The following EDC3 variants were observed in gnomAD, a reference collection of about 807,000 sequenced individuals.
EDC3 encodes enhancer of mRNA decapping 3.
Under a neutral mutation model 41.8 loss-of-function variants are expected in EDC3, and 20 were observed. The observed-to-expected ratio is 0.48, with a 90% CI of 0.34 to 0.70. The LOEUF is 0.70. Among genes scored for constraint, EDC3 ranks in the 30% least tolerant of loss-of-function variants. The pLI, the probability that EDC3 is intolerant of heterozygous loss-of-function variation, is 0.01. For missense variants in EDC3, 444 were observed against 636.8 expected (o/e 0.70, Z 3.26); for synonymous variants, 206 against 243.2 (o/e 0.85, Z 1.42).
chr15:74,675,514 C>T (rs1195143730), intron 1 of EDC3, among the ~76,000 whole-genome samples: 1 of 149,408 alleles, frequency 6.7e-6, no homozygotes, highest in African/African-American at 2.5e-5. Context: ...AAACAAATTA[C>T]TGATAATGCC....
At chr15:74,662,065 T>C (rs151329896) in intron 3 of EDC3, among the ~76,000 whole-genome samples, 7 of 152,356 alleles carry the variant, frequency 4.6e-5, no homozygotes, top group African/African-American at 1.7e-4. Context: ...ACATAAATCA[T>C]AGATCATACC....
intron 4 of EDC3, 68 bp from the exon 5 acceptor site, chr15:74,640,687 T>G: frequency 3.9e-5 from 61 of 1,583,584 alleles, no homozygotes; most frequent in Non-Finnish European, 5.1e-5. Flanking sequence ...GGGTATACTC[T>G]ATCCAAGATT....
chr15:74,685,220 C>T (rs1203809532), intron 1 of EDC3, among the ~76,000 whole-genome samples: 1 of 151,988 alleles, frequency 6.6e-6, no homozygotes, highest in Non-Finnish European at 1.5e-5. Context: ...CATAGGGAGA[C>T]CCCATCTCTG....
At chr15:74,638,324 ATCTTTTTTTT>A in intron 5 of EDC3, 1 of 135,008 alleles carries the variant, frequency 7.4e-6, no homozygotes, top group Non-Finnish European at 1.6e-5. Context: ...TGAACTTCAG[ATCTTTTTTTT>A]TTTTTTTTTT....
At chr15:74,677,548 T>C (rs2141661779) in intron 1 of EDC3, among the ~76,000 whole-genome samples, 1 of 152,110 alleles carries the variant, frequency 6.6e-6, no homozygotes, top group East Asian at 1.9e-4. Context: ...TGTTGTTTTT[T>C]TTCTCAGTAG....
intron 3 of EDC3, among the ~76,000 whole-genome samples, chr15:74,659,252 C>A (rs999978367): frequency 6.6e-6 from 1 of 151,836 alleles, no homozygotes; most frequent in Non-Finnish European, 1.5e-5. Context: ...CACCTGAGGT[C>A]AGGAGTTCAA....
chr15:74,665,511 T>C (rs761496622), intron 3 of EDC3, among the ~76,000 whole-genome samples: 5 of 152,200 alleles, frequency 3.3e-5, no homozygotes, highest in Non-Finnish European at 7.4e-5. Flanking sequence ...ATATGAATTA[T>C]ACCCATACAC....
intron 4 of EDC3, among the ~76,000 whole-genome samples, chr15:74,646,064 G>GTTTTTTTT: frequency 7.8e-6 from 1 of 127,504 alleles, no homozygotes; most frequent in Non-Finnish European, 1.7e-5. Flanking sequence ...TTGTTGTTTT[G>GTTTTTTTT]TTTTTTTTTT....
At chr15:74,661,118 T>C (rs1439464053) in intron 3 of EDC3, among the ~76,000 whole-genome samples, 1 of 152,218 alleles carries the variant, frequency 6.6e-6, no homozygotes, top group Non-Finnish European at 1.5e-5. Context: ...AAAAGATACT[T>C]GTAAAGAAAC....
At position 74,646,092 on chromosome 15, in the gene EDC3, T is replaced by C. The variant is rs1177358912; in HGVS notation, c.821-5473A>G. 3.4e-5 allele frequency among the ~76,000 whole-genome samples: 5 copies of C among 147,240 alleles called. No individual in the cohort carries two copies. The East Asian group carries it at 9.9e-4, about 29-fold the overall frequency. On this transcript the variant is annotated intron_variant, in intron 4 of 6. Coordinates refer to ENST00000315127, the MANE Select transcript of EDC3 (RefSeq NM_025083.5). ...TTTTTTTTTTTTTTTTGAGACAGAG[T>C]TCAGAGTTTCACTCTTGTTATCCAG...
At chr15:74,672,488 G>C (rs2062751071) in intron 2 of EDC3, among the ~76,000 whole-genome samples, 1 of 152,042 alleles carries the variant, frequency 6.6e-6, no homozygotes, top group Non-Finnish European at 1.5e-5. Flanking sequence ...AACTCAGTCT[G>C]GTCAGTGGAA....
chr15:74,636,840 T>C (rs1005584932), intron 5 of EDC3: 5 of 152,212 alleles, frequency 3.3e-5, no homozygotes, highest in African/African-American at 1.2e-4. Context: ...GCTGCAGAGT[T>C]GTGGAATCTG....
intron 4 of EDC3, chr15:74,643,454 G>GTCTTCTGTGT (rs2062377242): frequency 6.6e-6 from 1 of 152,212 alleles, no homozygotes; most frequent in Non-Finnish European, 1.5e-5. Context: ...TATCAAGGAA[G>GTCTTCTGTGT]ACAACAAGTA....
chr15:74,686,664 C>T (rs964758723), intron 1 of EDC3, among the ~76,000 whole-genome samples: 3 of 152,100 alleles, frequency 2.0e-5, no homozygotes, highest in Non-Finnish European at 4.4e-5. Flanking sequence ...CCTGTAATCC[C>T]AGCTATTTAG....
At chr15:74,656,442 A>ACAC (rs1567165095) in intron 3 of EDC3, among the ~76,000 whole-genome samples, 8 of 96,388 alleles carry the variant, frequency 8.3e-5, no homozygotes, top group South Asian at 3.4e-4. Flanking sequence ...CACACACACA[A>ACAC]ACAACAACAA....
rs531622916 is a variant in EDC3 at position 74,633,019 on chromosome 15, G to C, written c.1193-73C>G. The C allele has an allele frequency of 1.0e-4, 152 of 1,482,046 alleles. No individual in the cohort carries two copies. In the African/African-American group the frequency reaches 2.0e-3, roughly 19 times the overall value. The allele number at this position is 1,482,046 out of a possible 1,614,324, so 91.8% of individuals were successfully genotyped here. A position where few individuals can be genotyped will look rare whatever the true frequency, so the allele number is the denominator to read the frequency against. ...AGCCCAGGCTGGGACTAGGGCCCAG[G>C]TCACCCCAAGGGTGTCTTTGTTTTC... On this transcript the variant is annotated intron_variant, in intron 6 of 6. Transcript: ENST00000315127.
chr15:74,630,887 C>T lies in EDC3; in HGVS notation c.*1725G>A, dbSNP rs1450840991. 1.3e-5 allele frequency: 2 copies of T among 152,228 alleles called. No homozygotes were observed. Among genetic ancestry groups the T allele is most frequent in the African/African-American group, 4.8e-5 (2 of 41,434 alleles). 9.4% of individuals were successfully genotyped at this position (152,228 alleles called of 1,614,324 possible). On this transcript the variant is annotated 3_prime_UTR_variant, in exon 7 of 7. Transcript: ENST00000315127. ...GTCTTCTGGGCCAGGGTTGTTCTAG[C>T]TTGTTTCTCACTGTACCTAATCAGG... is the stretch of plus-strand genomic sequence containing the variant.
chr15:74,666,529 A>G lies in EDC3; in HGVS notation c.484+4926T>C, dbSNP rs371886112. Among the ~76,000 whole-genome samples, 95 of 152,368 alleles carry G rather than the reference A, an allele frequency of 6.2e-4. 1 individual carries two copies. Among genetic ancestry groups the G allele is most frequent in the Admixed American group, 9.8e-4 (15 of 15,304 alleles). ...CCGTCAATTAAAGAAATGACCTATC[A>G]AGTCACAAAACGACATGAATGAATC... On this transcript the variant is annotated intron_variant, in intron 3 of 6. Transcript: ENST00000315127.
At chr15:74,645,967 T>C (rs181062375) in intron 4 of EDC3, among the ~76,000 whole-genome samples, 3 of 151,860 alleles carry the variant, frequency 2.0e-5, no homozygotes, top group African/African-American at 7.3e-5. Flanking sequence ...ATCAAGCAAG[T>C]CAGTGGTGAA....
Sources: gnomAD v4.1 joint callset for allele counts (sites outside exome capture counted in the v4.1 genomes callset) on GRCh38, gnomAD v4.1.1 for gene constraint, MANE v1.5 for transcripts, NCBI Gene and HGNC (gene_info 2026-07-23, HGNC 2026-07-21) for gene names.